Variants in PELI2 observed in about 807,000 individuals in gnomAD.
PELI2 encodes the protein pellino E3 ubiquitin protein ligase family member 2.
In PELI2, 23 loss-of-function variants were observed where a neutral mutation model predicts 42.3. The ratio of observed to expected loss-of-function variants is 0.54; its 90% confidence interval spans 0.39 to 0.77. The LOEUF is 0.77. Ranked by LOEUF, PELI2 falls within the 30% of genes least tolerant of loss-of-function variation. PELI2 has a pLI of 0.00. For missense variants in PELI2, 463 were observed against 553.2 expected (o/e 0.84, Z 1.64); for synonymous variants, 245 against 212.2 (o/e 1.15, Z -1.34).
intron 2 of PELI2, among the ~76,000 whole-genome samples, chr14:56,212,148 C>A (rs896850390): frequency 1.3e-5 from 2 of 152,066 alleles, no homozygotes; most frequent in Non-Finnish European, 1.5e-5. Flanking sequence ...GACAGAGACC[C>A]CGTTTTCTTA....
In PELI2 at chr14:56,288,499, G is replaced by A. The variant is rs760805130; in HGVS notation, c.372G>A (p.Gln124=). The change falls in exon 4 of 6, where the codon CAG becomes CAA. Residue 124 remains glutamine, a synonymous_variant. Coordinates refer to ENST00000267460, the MANE Select transcript of PELI2 (RefSeq NM_021255.3). The surrounding 1 kb of genome is among the most constrained non-coding windows in gnomAD (Gnocchi z 4.6). ...FVVTDTISGS[Q]NTDEAQITQS... Reference sequence around the variant, plus strand: ...TCACAGACACGATTTCTGGCAGCCAGAACACGGACGAAGCCCAGATCACAC... The same window carrying A: ...TCACAGACACGATTTCTGGCAGCCAAAACACGGACGAAGCCCAGATCACAC... The A allele has an allele frequency of 1.9e-6, 3 of 1,614,140 alleles. No individual in the cohort carries two copies. Among genetic ancestry groups the A allele is most frequent in the African/African-American group, 1.3e-5 (1 of 75,052 alleles).
intron 2 of PELI2, among the ~76,000 whole-genome samples, chr14:56,264,495 T>C (rs1888830590): frequency 6.6e-6 from 1 of 152,014 alleles, no homozygotes; most frequent in African/African-American, 2.4e-5. Context: ...ATATGCACAG[T>C]GTATTAGGAA....
intron 2 of PELI2, among the ~76,000 whole-genome samples, chr14:56,257,604 C>G (rs1342242437): frequency 1.3e-5 from 2 of 152,102 alleles, no homozygotes; most frequent in African/African-American, 4.8e-5. Context: ...AATTCCACTT[C>G]CATGCATGAA....
chr14:56,196,588 T>C (rs190531989), intron 2 of PELI2, among the ~76,000 whole-genome samples: 68 of 152,346 alleles, frequency 4.5e-4, no homozygotes, highest in African/African-American at 1.6e-3. Context: ...CTCTGCACTG[T>C]GATTGTATTA....
At chr14:56,256,961 T>A (rs973671277) in intron 2 of PELI2, among the ~76,000 whole-genome samples, 1 of 152,204 alleles carries the variant, frequency 6.6e-6, no homozygotes, top group Non-Finnish European at 1.5e-5. Flanking sequence ...TCGCATATTA[T>A]TTGCTTTGAT....
intron 5 of PELI2, among the ~76,000 whole-genome samples, 193 bp downstream of exon 5, chr14:56,290,649 A>G (rs1025452992): frequency 5.3e-5 from 8 of 152,200 alleles, no homozygotes; most frequent in Admixed American, 2.6e-4. Flanking sequence ...CAGGGGTTCA[A>G]CTTTTCCCAT....
intron 2 of PELI2, among the ~76,000 whole-genome samples, chr14:56,228,716 C>A (rs1204219602): frequency 1.3e-5 from 2 of 152,210 alleles, no homozygotes; most frequent in Non-Finnish European, 2.9e-5. Context: ...TTCTGCATTT[C>A]CAACTGAGGT....
At chr14:56,199,284 T>G (rs748790234) in intron 2 of PELI2, among the ~76,000 whole-genome samples, 2 of 152,172 alleles carry the variant, frequency 1.3e-5, no homozygotes, top group African/African-American at 2.4e-5. Flanking sequence ...GGAAACTGAA[T>G]GTAGCGGTTC....
chr14:56,141,289 G>A (rs1255411874), intron 1 of PELI2, among the ~76,000 whole-genome samples: 1 of 152,212 alleles, frequency 6.6e-6, no homozygotes, highest in Non-Finnish European at 1.5e-5. Flanking sequence ...TGTAGGAAGA[G>A]ACGACATCAG....
intron 2 of PELI2, among the ~76,000 whole-genome samples, chr14:56,229,645 C>A (rs1025691105): frequency 3.3e-5 from 5 of 152,114 alleles, no homozygotes; most frequent in African/African-American, 1.2e-4. Flanking sequence ...TGGGGAGAAA[C>A]CAGAGCAGAA....
chr14:56,134,679 TG>T (rs1241228757), intron 1 of PELI2, among the ~76,000 whole-genome samples: 1 of 152,186 alleles, frequency 6.6e-6, no homozygotes, highest in Non-Finnish European at 1.5e-5. Flanking sequence ...GAAGCAAGAC[TG>T]CTGGAGTGAT....
chr14:56,234,237 C>G (rs1040540993), intron 2 of PELI2, among the ~76,000 whole-genome samples: 1 of 152,268 alleles, frequency 6.6e-6, no homozygotes, highest in East Asian at 1.9e-4. Flanking sequence ...TTGACCCAGC[C>G]ATCCCATTAC....
chr14:56,211,162 C>T (rs1395843972), intron 2 of PELI2, among the ~76,000 whole-genome samples: 1 of 152,204 alleles, frequency 6.6e-6, no homozygotes. Flanking sequence ...GTCATTTGCT[C>T]CATCACCGCT....
chr14:56,287,834 C>T (rs1424726557), intron 3 of PELI2, among the ~76,000 whole-genome samples: 4 of 152,134 alleles, frequency 2.6e-5, no homozygotes, highest in African/African-American at 9.7e-5. Context: ...AAATGTATTA[C>T]ATTGCCTAGT....
chr14:56,168,009 T>C (rs1307883721), intron 1 of PELI2, among the ~76,000 whole-genome samples: 1 of 152,210 alleles, frequency 6.6e-6, no homozygotes, highest in Non-Finnish European at 1.5e-5. Context: ...TTCTCTTACT[T>C]TCTCCCAGCC....
intron 2 of PELI2, among the ~76,000 whole-genome samples, chr14:56,224,426 G>T (rs574829070): frequency 1.3e-4 from 20 of 152,320 alleles, no homozygotes; most frequent in Admixed American, 3.3e-4. Flanking sequence ...AGTCCATTGT[G>T]ATTTGCCCTC....
In PELI2 at chr14:56,279,757, A is replaced by G. The variant is rs369483768; in HGVS notation, c.289A>G (p.Lys97Glu). ...TGTGGTGGTGGAGTACACACATGAT[A>G]AGGATACGGATATGTTTCAGGTAAT... ...QTVVVEYTHDKDTDMFQVGRS... is the reference protein window; with the variant it reads ...QTVVVEYTHDEDTDMFQVGRS... The change falls in exon 3 of 6, where the codon AAG becomes GAG. Residue 97 changes from lysine to glutamate, a missense_variant. By Grantham distance (56) the Lys-to-Glu change is moderately conservative (BLOSUM62 1). Transcript: ENST00000267460. 1.5e-5 allele frequency: 23 copies of G among 1,572,294 alleles called. 1 individual carries two copies. The African/African-American group carries it at 2.6e-4, about 18-fold the overall frequency.
intron 2 of PELI2, among the ~76,000 whole-genome samples, chr14:56,221,626 A>T (rs1167800603): frequency 1.3e-5 from 2 of 152,208 alleles, no homozygotes; most frequent in African/African-American, 4.8e-5. Flanking sequence ...GGCCCAGCAT[A>T]CTGTTTTAAG....
At chr14:56,154,881 G>A (rs1884492663) in intron 1 of PELI2, among the ~76,000 whole-genome samples, 1 of 152,200 alleles carries the variant, frequency 6.6e-6, no homozygotes, top group Non-Finnish European at 1.5e-5. Context: ...CTTAACGGTA[G>A]TATGTTAGAG....
Sources: gnomAD v4.1 joint callset for allele counts (sites outside exome capture counted in the v4.1 genomes callset) on GRCh38, gnomAD v4.1.1 for gene constraint, Gnocchi (gnomAD v3.1) non-coding constraint, MANE v1.5 for transcripts, NCBI Gene and HGNC (gene_info 2026-07-23, HGNC 2026-07-21) for gene names.